The following ABCA7 variants were observed in gnomAD, a reference collection of about 807,000 sequenced individuals.
ABCA7 encodes phospholipid-transporting ATPase ABCA7.
A neutral mutation model predicts 227.6 loss-of-function variants in ABCA7; 261 were observed. The ratio of observed to expected loss-of-function variants is 1.15; its 90% CI spans 1.04 to 1.27. The LOEUF is 1.27. Ranked by LOEUF, ABCA7 falls within the 50% of genes most tolerant of loss-of-function variation. The pLI is 0.00. For missense variants in ABCA7, 3,331 were observed against 2,924.5 expected (o/e 1.14, Z -3.21); for synonymous variants, 1,488 against 1,279.7 (o/e 1.16, Z -3.47).
rs775721204 is a variant in ABCA7 at position 1,061,872 on chromosome 19, G to C, written c.5554G>C (p.Val1852Leu). The change falls in exon 41 of 47, where the codon GTG becomes CTG. Residue 1852 changes from valine to leucine, a missense_variant. Val to Leu is a conservative substitution (Grantham distance 32). Coordinates refer to ENST00000263094, the MANE Select transcript of ABCA7 (RefSeq NM_019112.4). ...CACATTGGCCAGCAGGGGCGAGGCT[G>C]TGCTGGCAGGCCACAGGTGAGGGGT... ...GDTLASRGEA[V>L]LAGHSVAREP... 1 of 1,596,162 alleles carries C rather than the reference G, an allele frequency of 6.3e-7. No homozygotes were observed. The highest frequency in any genetic ancestry group is 8.5e-7 in the Non-Finnish European group (1 of 1,173,182).
chr19:1,049,234 C>A (rs1438937653), intron 17 of ABCA7, 32 bp from the exon 18 acceptor site: 12 of 1,566,338 alleles, frequency 7.7e-6, no homozygotes, highest in South Asian at 3.5e-5. Context: ...ACCCCCATGA[C>A]CTCCATGGCT....
At chr19:1,058,973 G>C in intron 39 of ABCA7, 33 bp downstream of exon 39, 1 of 1,612,762 alleles carries the variant, frequency 6.2e-7, no homozygotes, top group Non-Finnish European at 8.5e-7. Context: ...CTGGGTGGGG[G>C]GTGCTCCCAC....
intron 40 of ABCA7, among the ~76,000 whole-genome samples, chr19:1,059,808 C>T (rs553964650): frequency 5.3e-5 from 8 of 152,186 alleles, no homozygotes; most frequent in South Asian, 4.2e-4. Context: ...ATGATCCACC[C>T]GCCTCAGCCT....
chr19:1,053,942 C>T (rs2042010044), intron 25 of ABCA7, 64 bp from the exon 26 acceptor site: 2 of 1,605,826 alleles, frequency 1.2e-6, no homozygotes, highest in African/African-American at 2.7e-5. Flanking sequence ...TTACCCTATA[C>T]CTGATTCCTG....
intron 40 of ABCA7, among the ~76,000 whole-genome samples, chr19:1,060,658 T>C (rs1340622995): frequency 6.6e-6 from 1 of 152,020 alleles, no homozygotes; most frequent in Non-Finnish European, 1.5e-5. Context: ...TAGCTGGGAT[T>C]ACAGGCGCCC....
intron 5 of ABCA7, 47 bp from the exon 6 acceptor site, chr19:1,042,268 A>G: frequency 6.3e-7 from 1 of 1,580,110 alleles, no homozygotes; most frequent in South Asian, 1.1e-5. Context: ...TGGGTGCCTC[A>G]GACCAACGTC....
chr19:1,065,005 C>T lies in ABCA7; in HGVS notation c.6119C>T (p.Ala2040Val). 6.4e-6 allele frequency: 10 copies of T among 1,556,650 alleles called. No individual in the cohort carries two copies. Among genetic ancestry groups the T allele is most frequent in the South Asian group, 2.3e-5 (2 of 85,116 alleles). ...CAGCCGGCAGCGGCCTTCGTGGCGG[C>T]CGAGTTCCCTGGGGCGGAGCTGCGC... The part of the protein sequence containing the change: ...RSQPAAAFVA[A>V]EFPGAELREA... Residue 2040 changes from alanine (A) to valine (V), a missense_variant, in exon 46 of 47, where the codon GCC (alanine) becomes GTC (valine). Physicochemically the swap from Ala to Val is moderately conservative, Grantham distance 64. Coordinates refer to ENST00000263094, the MANE Select transcript of ABCA7 (RefSeq NM_019112.4).
At chr19:1,052,184 C>A (rs1172097400) in intron 22 of ABCA7, 30 bp from the exon 23 acceptor site, 1 of 1,594,900 alleles carries the variant, frequency 6.3e-7, no homozygotes, top group East Asian at 2.3e-5. Context: ...GCCCTGAAGG[C>A]CAAGCCACTT....
chr19:1,050,017 CCTCCCTGTGAG>C (rs1303123785), intron 18 of ABCA7, among the ~76,000 whole-genome samples: 34 of 139,060 alleles, frequency 2.4e-4, no homozygotes, highest in African/African-American at 8.8e-4. Flanking sequence ...CCCACCACTT[CCTCCCTGTGAG>C]CTCCCTGTGA....
intron 42 of ABCA7, 124 bp from the exon 43 acceptor site, chr19:1,063,420 C>T (rs1170168786): frequency 7.3e-7 from 1 of 1,363,676 alleles, no homozygotes; most frequent in East Asian, 2.3e-5. Context: ...CCCATTCTCA[C>T]ATTTGCCCTG....
At chr19:1,061,977 T>A in intron 41 of ABCA7, 89 bp downstream of exon 41, 1 of 1,445,836 alleles carries the variant, frequency 6.9e-7, no homozygotes, top group Non-Finnish European at 9.3e-7. Flanking sequence ...GTGAATGGAC[T>A]GGGCTCACTG....
At position 1,059,045 on chromosome 19, in the gene ABCA7, C is replaced by T. The variant is rs1194511630; in HGVS notation, c.5423C>T (p.Pro1808Leu). ...LTKVYRGQRMPAVDRLCLGIP... is the reference protein window; with the variant it reads ...LTKVYRGQRMLAVDRLCLGIP... ...CAGGTATACCGTGGGCAGAGGATGC[C>T]AGCTGTTGACCGCTTGTGCCTGGGG... Residue 1808 changes from proline to leucine, a missense_variant, in exon 40 of 47, where the codon CCA becomes CTA. Coordinates refer to ENST00000263094, the MANE Select transcript of ABCA7 (RefSeq NM_019112.4). The T allele has an allele frequency of 2.5e-6, 4 of 1,613,678 alleles. No individual in the cohort carries two copies. The highest frequency in any genetic ancestry group is 1.3e-5 in the African/African-American group (1 of 74,878).
chr19:1,061,893 G>A lies in ABCA7; in HGVS notation c.5570+5G>A, dbSNP rs200538373. Reference sequence around the variant, plus strand: ...GGCTGTGCTGGCAGGCCACAGGTGAGGGGTGCCAGGTAGGGTCAGGGTGGG... The same window carrying A: ...GGCTGTGCTGGCAGGCCACAGGTGAAGGGTGCCAGGTAGGGTCAGGGTGGG... On this transcript the variant is annotated splice_donor_5th_base_variant and intron_variant, in intron 41 of 46. Coordinates refer to ENST00000263094, the MANE Select transcript of ABCA7 (RefSeq NM_019112.4). 1.3e-6 allele frequency: 2 copies of A among 1,582,366 alleles called. No homozygotes were observed. The highest frequency in any genetic ancestry group is 2.3e-5 in the South Asian group (2 of 85,352).
At chr19:1,057,253 G>C (rs1321573372) in intron 34 of ABCA7, 61 bp from the exon 35 acceptor site, 12 of 1,585,648 alleles carry the variant, frequency 7.6e-6, no homozygotes, top group Non-Finnish European at 7.8e-6. Context: ...TGGGAACAGG[G>C]CTGAGGGTGG....
At position 1,063,612 on chromosome 19, in the gene ABCA7, C is replaced by T. The variant is rs1431936907; in HGVS notation, c.5781C>T (p.Ser1927=). Residue 1927 remains serine, a synonymous_variant, in exon 43 of 47, where the codon AGC becomes AGT. Coordinates refer to ENST00000263094, the MANE Select transcript of ABCA7 (RefSeq NM_019112.4). ...CAGACCGGCCTGCAGGCACCTACAGCGGAGGGAACAAACGCAAGCTGGCGA... is the reference window on the plus strand; with the variant it reads ...CAGACCGGCCTGCAGGCACCTACAGTGGAGGGAACAAACGCAAGCTGGCGA... ...WYADRPAGTY[S]GGNKRKLATA... 2.5e-6 allele frequency: 4 copies of T among 1,611,336 alleles called. No individual in the cohort carries two copies. Among genetic ancestry groups the T allele is most frequent in the South Asian group, 1.1e-5 (1 of 91,078 alleles).
Position 1,043,211 on chromosome 19 carries a change from G to A in ABCA7, c.750G>A (p.Val250=). 1.2e-6 allele frequency: 2 copies of A among 1,608,410 alleles called. No homozygotes were observed. Among genetic ancestry groups the A allele is most frequent in the Non-Finnish European group, 1.7e-6 (2 of 1,176,268 alleles). The change falls in exon 8 of 47, where the codon GTG becomes GTA. Residue 250 remains valine (V), a synonymous_variant. Coordinates refer to ENST00000263094, the MANE Select transcript of ABCA7 (RefSeq NM_019112.4). ...WYEASDLMEL[V]GQEPESALPD... ...AGGCTAGTGACCTGATGGAGCTGGT[G>A]GGGCAGGAGCCAGAATCCGCCCTGC...
At chr19:1,048,824 C>A (rs117094519) in intron 16 of ABCA7, 71 bp from the exon 17 acceptor site, 71,929 of 581,572 alleles carry the variant, frequency 0.12, 4,220 homozygotes, top group East Asian at 0.34. Flanking sequence ...AAAAAAAAAA[C>A]AAAACCCCAA....
chr19:1,053,942 C>G, intron 25 of ABCA7, 64 bp from the exon 26 acceptor site: 1 of 1,605,828 alleles, frequency 6.2e-7, no homozygotes. Context: ...TTACCCTATA[C>G]CTGATTCCTG....
Position 1,053,389 on chromosome 19 carries a change from A to T in ABCA7, c.3281A>T (p.Glu1094Val). ...HWVPGARLVE[E>V]LPHELVLVLP... ...GTGCCCGGGGCACGGCTGGTGGAGG[A>T]GCTGCCACACGAGCTGGTGCTGGTG... The change falls in exon 24 of 47, where the codon GAG becomes GTG. Residue 1094 changes from glutamate (E) to valine (V), a missense_variant. Coordinates refer to ENST00000263094, the MANE Select transcript of ABCA7 (RefSeq NM_019112.4). 1.2e-6 allele frequency: 2 copies of T among 1,607,838 alleles called. No individual in the cohort carries two copies. The highest frequency in any genetic ancestry group is 1.7e-6 in the Non-Finnish European group (2 of 1,178,960).
Sources: allele counts gnomAD v4.1 joint callset (sites outside exome capture counted in the v4.1 genomes callset), GRCh38; gene constraint gnomAD v4.1.1; transcripts MANE v1.5; gene names NCBI Gene and HGNC (gene_info 2026-07-23, HGNC 2026-07-21).